PTP4A2: variants seen among roughly 807,000 people sequenced by gnomAD.
PTP4A2 encodes protein tyrosine phosphatase type IVA 2.
In PTP4A2, 2 loss-of-function variants were observed where a neutral mutation model predicts 22.9. That is an observed-to-expected ratio of 0.09 (90% CI 0.04 to 0.27). The LOEUF is 0.27. Ranked by LOEUF, PTP4A2 falls within the 10% of genes least tolerant of loss-of-function variation. The probability of loss-of-function intolerance (pLI) is 1.00; values close to 1 mark genes in which losing one functional copy is unlikely to be tolerated. For synonymous variants in PTP4A2, 68 were observed against 69.1 expected, an observed-to-expected ratio of 0.98 and a Z score of 0.08; for missense variants, 103 against 205.1, an observed-to-expected ratio of 0.50 and a Z score of 3.04.
At chr1:31,930,806 A>G (rs752476479) in intron 1 of PTP4A2, 3 of 152,212 alleles carry the variant, frequency 2.0e-5, no homozygotes, top group Non-Finnish European at 4.4e-5. Context: ...CTTTCACAAA[A>G]CACAGTAACA....
At position 31,908,715 on chromosome 1, in the gene PTP4A2, T is replaced by A. The variant is rs971059239; in HGVS notation, c.*137A>T. ...TCTTTTTTGTTTGCTTTTGTTCCAA[T>A]CATTAGGAGAGTGGTTGAGGAGTAC... On this transcript the variant is annotated 3_prime_UTR_variant, in exon 6 of 6. Coordinates refer to ENST00000647444, the MANE Select transcript of PTP4A2 (RefSeq NM_080391.4). 1.9e-6 allele frequency: 1 copy of A among 519,998 alleles called. No individual in the cohort carries two copies. The highest frequency in any genetic ancestry group is 2.0e-5 in the African/African-American group (1 of 50,646). The allele number at this position is 519,998 out of a possible 1,614,324, so 32.2% of individuals were successfully genotyped here.
intron 1 of PTP4A2, among the ~76,000 whole-genome samples, chr1:31,922,637 T>TCTTTCTTTCTTTCTTTCTTTCTTTC (rs1553211660): frequency 6.9e-6 from 1 of 145,860 alleles, no homozygotes; most frequent in Non-Finnish European, 1.5e-5. Flanking sequence ...TTTCTTTCTT[T>TCTTTCTTTCTTTCTTTCTTTCTTTC]TATTTATTTT....
At chr1:31,923,455 C>T (rs1240362144) in intron 1 of PTP4A2, among the ~76,000 whole-genome samples, 2 of 151,182 alleles carry the variant, frequency 1.3e-5, no homozygotes, top group African/African-American at 4.9e-5. Flanking sequence ...CTGCCTCAGC[C>T]TCCCGAGTAG....
intron 1 of PTP4A2, among the ~76,000 whole-genome samples, chr1:31,929,145 T>A (rs2124253135): frequency 6.6e-6 from 1 of 152,390 alleles, no homozygotes; most frequent in East Asian, 1.9e-4. Flanking sequence ...TTTACAATTT[T>A]GTACTCCATT....
At chr1:31,930,062 GGC>G (rs1652651002) in intron 1 of PTP4A2, among the ~76,000 whole-genome samples, 3 of 152,172 alleles carry the variant, frequency 2.0e-5, no homozygotes, top group African/African-American at 4.8e-5. Context: ...TCTCGGGCCG[GGC>G]GTGGTGGCTC....
At chr1:31,915,781 C>G in intron 3 of PTP4A2, 114 bp downstream of exon 3, 1 of 673,226 alleles carries the variant, frequency 1.5e-6, no homozygotes, top group South Asian at 2.1e-5. Context: ...TTCAAGTGAT[C>G]TTCCCACAAT....
chr1:31,913,200 T>A lies in PTP4A2; in HGVS notation c.190-1374A>T, dbSNP rs189191703. 9.6e-4 allele frequency among the ~76,000 whole-genome samples: 147 copies of A among 152,350 alleles called. 1 individual carries two copies. The highest frequency in any genetic ancestry group is 3.4e-3 in the African/African-American group (142 of 41,588). Reference sequence around the variant, plus strand: ...AGAGCATTCAGAGGACTGACAGGCCTTATTTGGGGATATCCTCTTACCATG... The same window carrying A: ...AGAGCATTCAGAGGACTGACAGGCCATATTTGGGGATATCCTCTTACCATG... On this transcript the variant is annotated intron_variant, in intron 3 of 5. Transcript: ENST00000647444.
intron 1 of PTP4A2, among the ~76,000 whole-genome samples, chr1:31,920,926 G>C (rs1195740472): frequency 6.6e-6 from 1 of 152,058 alleles, no homozygotes; most frequent in Non-Finnish European, 1.5e-5. Flanking sequence ...GTTAAAATAA[G>C]GTGTACCTAT....
intron 1 of PTP4A2, among the ~76,000 whole-genome samples, chr1:31,928,902 G>A (rs1652601174): frequency 6.6e-6 from 1 of 152,074 alleles, no homozygotes; most frequent in Admixed American, 6.5e-5. Context: ...CAGCCACTCA[G>A]AAAGATAAGG....
intron 1 of PTP4A2, among the ~76,000 whole-genome samples, chr1:31,928,390 C>A (rs1045274733): frequency 1.3e-5 from 2 of 151,556 alleles, no homozygotes; most frequent in Non-Finnish European, 2.9e-5. Context: ...AAATAAGATG[C>A]TTTTTTTACT....
chr1:31,922,860 C>G (rs933595032), intron 1 of PTP4A2, among the ~76,000 whole-genome samples: 3 of 151,902 alleles, frequency 2.0e-5, no homozygotes, highest in South Asian at 2.1e-4. Flanking sequence ...GGATGAAAAC[C>G]AACCTCCTGC....
chr1:31,919,332 A>C lies in PTP4A2; in HGVS notation c.-267T>G, dbSNP rs938448576. The stretch of plus-strand genomic sequence containing the variant: ...GATGGATACCTTCGGACTCCAAAAA[A>C]TCCAACTACATACAAAACTTAAGCA... On this transcript the variant is annotated 5_prime_UTR_variant, in exon 2 of 6. Coordinates refer to ENST00000647444, the MANE Select transcript of PTP4A2 (RefSeq NM_080391.4). The C allele has an allele frequency of 3.1e-5, 7 of 223,884 alleles. No individual in the cohort carries two copies. In the South Asian group the frequency reaches 3.3e-4, roughly 11 times the overall value. 13.9% of individuals were successfully genotyped at this position (223,884 alleles called of 1,614,324 possible). A position where few individuals can be genotyped will look rare whatever the true frequency, so the allele number is the denominator to read the frequency against.
chr1:31,918,685 A>G (rs1299972685), intron 2 of PTP4A2, among the ~76,000 whole-genome samples: 1 of 152,378 alleles, frequency 6.6e-6, no homozygotes, highest in Admixed American at 6.5e-5. Flanking sequence ...TGCTAAGTGC[A>G]TATCGTGGTC....
At chr1:31,920,926 G>A (rs1195740472) in intron 1 of PTP4A2, among the ~76,000 whole-genome samples, 1 of 152,058 alleles carries the variant, frequency 6.6e-6, no homozygotes, top group Non-Finnish European at 1.5e-5. Flanking sequence ...GTTAAAATAA[G>A]GTGTACCTAT....
intron 1 of PTP4A2, among the ~76,000 whole-genome samples, chr1:31,925,873 C>A: frequency 6.6e-6 from 1 of 151,878 alleles, no homozygotes; most frequent in Non-Finnish European, 1.5e-5. Flanking sequence ...TTGGCGGGCA[C>A]AGTGGCTCAT....
intron 2 of PTP4A2, 130 bp from the exon 3 acceptor site, chr1:31,916,117 C>G (rs187915440): frequency 7.2e-6 from 4 of 555,690 alleles, no homozygotes; most frequent in Non-Finnish European, 1.3e-5. Context: ...AGGCCTGAGG[C>G]GGGCATATCA....
intron 1 of PTP4A2, among the ~76,000 whole-genome samples, chr1:31,928,738 T>C (rs933315332): frequency 2.6e-5 from 4 of 151,704 alleles, no homozygotes; most frequent in Non-Finnish European, 4.4e-5. Context: ...GTTACTCCCT[T>C]GGTTATTCCC....
intron 1 of PTP4A2, among the ~76,000 whole-genome samples, chr1:31,921,057 G>A (rs1652130375): frequency 6.6e-6 from 1 of 152,156 alleles, no homozygotes; most frequent in African/African-American, 2.4e-5. Context: ...AAAATCCTGT[G>A]ATCCAACACT....
chr1:31,924,183 C>A (rs1652341293), intron 1 of PTP4A2: 1 of 152,144 alleles, frequency 6.6e-6, no homozygotes, highest in Non-Finnish European at 1.5e-5. Context: ...GCAAACAGAA[C>A]AAGCTTTATC....
Sources: gnomAD v4.1 joint callset for allele counts (sites outside exome capture counted in the v4.1 genomes callset) on GRCh38, gnomAD v4.1.1 for gene constraint, MANE v1.5 for transcripts, NCBI Gene and HGNC (gene_info 2026-07-23, HGNC 2026-07-21) for gene names.